ERICH3: variants seen among roughly 807,000 people sequenced by gnomAD.
ERICH3 encodes the protein glutamate-rich protein 3.
A neutral mutation model predicts 131.1 loss-of-function variants in ERICH3; 126 were observed. The ratio of observed to expected loss-of-function variants is 0.96; its 90% CI spans 0.83 to 1.11. The LOEUF (loss-of-function observed/expected upper bound fraction) is 1.11, where lower values mean the gene tolerates loss of function less well. ERICH3 is among the 50% of genes most tolerant of loss of function. The probability of loss-of-function intolerance (pLI) is 0.00; values close to 1 mark genes in which losing one functional copy is unlikely to be tolerated. For synonymous variants in ERICH3, 695 were observed against 644.6 expected (o/e 1.08, Z -1.18); for missense variants, 2,050 against 1,810.7 (o/e 1.13, Z -2.40).
At chr1:74,668,555 CTA>C (rs1646712553) in intron 1 of ERICH3, among the ~76,000 whole-genome samples, 2 of 152,124 alleles carry the variant, frequency 1.3e-5, no homozygotes, top group African/African-American at 4.8e-5. Context: ...TGTCTGATCA[CTA>C]TGTGATTTTT....
At chr1:74,653,966 T>C (rs958248246) in intron 1 of ERICH3, among the ~76,000 whole-genome samples, 2 of 152,282 alleles carry the variant, frequency 1.3e-5, no homozygotes, top group African/African-American at 4.8e-5. Flanking sequence ...TTTCTGCCTT[T>C]CAAAAACACT....
At chr1:74,597,748 T>TA (rs1316531827) in intron 11 of ERICH3, among the ~76,000 whole-genome samples, 1 of 151,928 alleles carries the variant, frequency 6.6e-6, no homozygotes, top group Admixed American at 6.6e-5. Flanking sequence ...TTACACCATA[T>TA]AAAAAAATCA....
Sources: gnomAD v4.1 joint callset for allele counts (sites outside exome capture counted in the v4.1 genomes callset) on GRCh38, gnomAD v4.1.1 for gene constraint, MANE v1.5 for transcripts, NCBI Gene and HGNC (gene_info 2026-07-23, HGNC 2026-07-21) for gene names.